Variants in SPINK13 observed in about 807,000 individuals in gnomAD.
The protein encoded by SPINK13 is serine protease inhibitor Kazal-type 13.
Under a neutral mutation model 11.0 loss-of-function variants are expected in SPINK13, and 11 were observed. The ratio of observed to expected loss-of-function variants is 1.00; its 90% CI spans 0.63 to 1.65. The LOEUF is 1.65. Among genes scored for constraint, SPINK13 ranks in the 40% most tolerant of loss-of-function variants. The pLI, the probability that SPINK13 is intolerant of heterozygous loss-of-function variation, is 0.00. For synonymous variants in SPINK13, 31 were observed against 35.6 expected (o/e 0.87, Z 0.46); for missense variants, 113 against 117.7 (o/e 0.96, Z 0.19).
intron 3 of SPINK13, among the ~76,000 whole-genome samples, chr5:148,276,076 G>T (rs902825824): frequency 2.0e-5 from 3 of 152,068 alleles, no homozygotes; most frequent in African/African-American, 7.2e-5. Context: ...TCATATGTTT[G>T]TTGGCTGCAT....
chr5:148,277,695 T>A (rs75843464), intron 3 of SPINK13, among the ~76,000 whole-genome samples: 1 of 152,198 alleles, frequency 6.6e-6, no homozygotes, highest in African/African-American at 2.4e-5. Flanking sequence ...TTATTGAGGA[T>A]TTTCCCATCA....
intron 4 of SPINK13, among the ~76,000 whole-genome samples, chr5:148,283,207 G>T (rs906517927): frequency 1.3e-5 from 2 of 152,060 alleles, no homozygotes; most frequent in African/African-American, 4.8e-5. Flanking sequence ...TCTTTAATGG[G>T]GGTCAGTCAG....
chr5:148,271,957 A>G (rs898464727), intron 2 of SPINK13, among the ~76,000 whole-genome samples: 21 of 152,214 alleles, frequency 1.4e-4, no homozygotes, highest in African/African-American at 4.6e-4. Flanking sequence ...TACTATATGA[A>G]GAGAATATTT....
At chr5:148,282,297 T>C (rs1040798938) in intron 4 of SPINK13, 66 bp downstream of exon 4, 30 of 1,590,424 alleles carry the variant, frequency 1.9e-5, no homozygotes, top group Non-Finnish European at 2.3e-5. Flanking sequence ...CAAAGAAACA[T>C]AGTCAAGGAA....
At chr5:148,269,483 A>G (rs901350456) in intron 1 of SPINK13, among the ~76,000 whole-genome samples, 5 of 151,904 alleles carry the variant, frequency 3.3e-5, no homozygotes, top group Admixed American at 6.6e-5. Flanking sequence ...CCCATTCTTT[A>G]TATTTGAGCC....
rs193135540 is a variant in SPINK13 at position 148,271,315 on chromosome 5, T to C, written c.70+1173T>C. On this transcript the variant is annotated intron_variant, in intron 2 of 4. Transcript: ENST00000398450. ...ACAATACTTGGTTCAATAAATTTCA[T>C]TGGGTTCAATCAAAAAGCACCATGA... Among the ~76,000 whole-genome samples the C allele has an allele frequency of 2.3e-4, 35 of 152,308 alleles. 1 individual carries two copies. Among genetic ancestry groups the C allele is most frequent in the South Asian group, 1.7e-3 (8 of 4,822 alleles).
chr5:148,285,667 C>CATT (rs890337306), intron 4 of SPINK13, among the ~76,000 whole-genome samples: 36 of 152,126 alleles, frequency 2.4e-4, no homozygotes, highest in African/African-American at 8.2e-4. Context: ...TTATGCATAG[C>CATT]ATTATTGCTG....
At chr5:148,272,793 T>C (rs191427658) in intron 2 of SPINK13, among the ~76,000 whole-genome samples, 1 of 152,338 alleles carries the variant, frequency 6.6e-6, no homozygotes, top group Admixed American at 6.5e-5. Context: ...ACCCAACTTA[T>C]CTTTGAATCT....
chr5:148,278,369 C>T (rs768619559), intron 3 of SPINK13, among the ~76,000 whole-genome samples: 1 of 152,128 alleles, frequency 6.6e-6, no homozygotes, highest in Non-Finnish European at 1.5e-5. Flanking sequence ...GTTAAGGTGT[C>T]GATTTTAGAT....
At chr5:148,277,882 A>C (rs573484662) in intron 3 of SPINK13, among the ~76,000 whole-genome samples, 2 of 152,298 alleles carry the variant, frequency 1.3e-5, no homozygotes, top group African/African-American at 4.8e-5. Context: ...GGTAGAATTC[A>C]GCTGTGAATC....
intron 3 of SPINK13, among the ~76,000 whole-genome samples, chr5:148,278,274 T>C (rs901764754): frequency 6.6e-6 from 1 of 152,216 alleles, no homozygotes; most frequent in Non-Finnish European, 1.5e-5. Flanking sequence ...TCGCCTTCAG[T>C]TCTGCTCTGA....
At chr5:148,285,015 AATG>A (rs1756570019) in intron 4 of SPINK13, among the ~76,000 whole-genome samples, 1 of 152,172 alleles carries the variant, frequency 6.6e-6, no homozygotes. Flanking sequence ...GTTGGACAAA[AATG>A]ATGTTTTAAT....
chr5:148,274,762 C>A (rs1224955372), intron 3 of SPINK13, among the ~76,000 whole-genome samples: 2 of 152,006 alleles, frequency 1.3e-5, no homozygotes, highest in Non-Finnish European at 2.9e-5. Flanking sequence ...ATAAATAAAT[C>A]TTCATGGAGG....
At chr5:148,281,681 C>G (rs1373709686) in intron 3 of SPINK13, among the ~76,000 whole-genome samples, 1 of 152,190 alleles carries the variant, frequency 6.6e-6, no homozygotes, top group East Asian at 1.9e-4. Context: ...AATCACCCAC[C>G]TTCTGCATTG....
In SPINK13 at chr5:148,285,974, ATCT is replaced by A. The variant is rs147959959; in HGVS notation, c.237-21_237-19del. 21,441 of 1,335,718 alleles carry A rather than the reference ATCT, an allele frequency of 0.016. 1,512 individuals carry two copies. In the African/African-American group the frequency reaches 0.19, roughly 12 times the overall value. 82.7% of individuals were successfully genotyped at this position (1,335,718 alleles called of 1,614,324 possible). ...AATGTTCACTTTCCTTATGATACTAATCTTCTTTTTTTCTCTTCTCTTTAGGGA... is the reference window on the plus strand; with the variant it reads ...AATGTTCACTTTCCTTATGATACTAATCTTTTTTTCTCTTCTCTTTAGGGA... On this transcript the variant is annotated intron_variant, in intron 4 of 4. Coordinates refer to ENST00000398450, the MANE Select transcript of SPINK13 (RefSeq NM_001040129.3).
intron 3 of SPINK13, among the ~76,000 whole-genome samples, chr5:148,281,473 G>C (rs1011769287): frequency 6.6e-6 from 1 of 152,220 alleles, no homozygotes; most frequent in Admixed American, 6.5e-5. Context: ...GAAAAGCATA[G>C]TATCTGGGCT....
chr5:148,282,217 T>C lies in SPINK13; in HGVS notation c.222T>C (p.Phe74=). 1 of 1,614,214 alleles carries C rather than the reference T, an allele frequency of 6.2e-7. No individual in the cohort carries two copies. Among genetic ancestry groups the C allele is most frequent in the Non-Finnish European group, 8.5e-7 (1 of 1,180,038 alleles). Residue 74 remains phenylalanine, a synonymous_variant, in exon 4 of 5, where the codon TTT becomes TTC. Transcript: ENST00000398450. The part of the protein sequence containing the change: ...NGHTFQNECF[F]CVEQREFHYR... ...ACACTTTCCAGAATGAGTGTTTCTT[T>C]TGTGTTGAACAGAGGTAAGTTCAGA... is the stretch of plus-strand genomic sequence containing the variant.
intron 4 of SPINK13, among the ~76,000 whole-genome samples, chr5:148,282,449 G>T (rs914465915): frequency 3.3e-5 from 5 of 152,048 alleles, no homozygotes; most frequent in African/African-American, 1.2e-4. Context: ...AAGAAAAAAG[G>T]CTTACATAAT....
intron 4 of SPINK13, among the ~76,000 whole-genome samples, chr5:148,282,822 T>C (rs915640206): frequency 4.6e-5 from 7 of 152,214 alleles, no homozygotes; most frequent in Non-Finnish European, 8.8e-5. Flanking sequence ...CCTTACAATG[T>C]ATATTTAGCT....
Sources: gnomAD v4.1 joint callset for allele counts (sites outside exome capture counted in the v4.1 genomes callset) on GRCh38, gnomAD v4.1.1 for gene constraint, MANE v1.5 for transcripts, NCBI Gene and HGNC (gene_info 2026-07-23, HGNC 2026-07-21) for gene names.